The following RYR2 variants were observed in gnomAD, a reference collection of about 807,000 sequenced individuals.
RYR2 encodes the protein cardiac muscle ryanodine receptor-calcium release channel.
Under a neutral mutation model 601.1 loss-of-function variants are expected in RYR2, and 227 were observed. That is an observed-to-expected ratio of 0.38 (90% CI 0.34 to 0.42). The LOEUF (loss-of-function observed/expected upper bound fraction) is 0.42. RYR2 is among the 10% of genes least tolerant of loss of function. RYR2 has a pLI of 1.00. For missense variants in RYR2, 4,646 were observed against 6,156.5 expected (o/e 0.75, Z 8.21); for synonymous variants, 2,223 against 2,175.1 (o/e 1.02, Z -0.61).
chr1:237,199,677 A>G (rs1461360728), intron 1 of RYR2, among the ~76,000 whole-genome samples: 1 of 152,202 alleles, frequency 6.6e-6, no homozygotes, highest in East Asian at 1.9e-4. Flanking sequence ...CTTCAGTCCT[A>G]TCAAGTTGAC....
Position 237,792,341 on chromosome 1 carries a change from C to G in RYR2, c.13782+18C>G, listed in dbSNP as rs374955812. 1.3e-6 allele frequency: 2 copies of G among 1,515,070 alleles called. No individual in the cohort carries two copies. Among genetic ancestry groups the G allele is most frequent in the Non-Finnish European group, 9.1e-7 (1 of 1,102,312 alleles). 93.9% of individuals were successfully genotyped at this position (1,515,070 alleles called of 1,614,324 possible). On this transcript the variant is annotated intron_variant, in intron 94 of 104. Transcript: ENST00000366574. Reference sequence around the variant, plus strand: ...GCTTGAAAGTAAGATAGTAAGGCACCAAGGTACCTGTGTGTGTGTGTGTGT... The same window carrying G: ...GCTTGAAAGTAAGATAGTAAGGCACGAAGGTACCTGTGTGTGTGTGTGTGT...
chr1:237,306,269 A>C (rs1693852566), intron 2 of RYR2, among the ~76,000 whole-genome samples: 1 of 152,178 alleles, frequency 6.6e-6, no homozygotes, highest in East Asian at 1.9e-4. Context: ...ACAAAATGTA[A>C]ATTTTACTGT....
At chr1:237,268,846 G>A (rs1304982079) in intron 1 of RYR2, among the ~76,000 whole-genome samples, 1 of 137,194 alleles carries the variant, frequency 7.3e-6, no homozygotes, top group African/African-American at 2.8e-5. Context: ...TGAGCCAGGA[G>A]AATGGCTTGA....
chr1:237,532,184 T>A lies in RYR2; in HGVS notation c.2906+1674T>A, dbSNP rs1273428816. 2.0e-5 allele frequency among the ~76,000 whole-genome samples: 3 copies of A among 152,246 alleles called. No homozygotes were observed. In the East Asian group the frequency reaches 5.8e-4, roughly 29 times the overall value. Reference sequence around the variant, plus strand: ...AACATAAATTGTTTTTAATAAAAAGTCATAGAAAATAGGATGTTATTGGAA... The same window carrying A: ...AACATAAATTGTTTTTAATAAAAAGACATAGAAAATAGGATGTTATTGGAA... On this transcript the variant is annotated intron_variant, in intron 25 of 104. Transcript: ENST00000366574.
chr1:237,492,837 A>C, intron 18 of RYR2, 117 bp from the exon 19 acceptor site: 1 of 882,776 alleles, frequency 1.1e-6, no homozygotes, highest in South Asian at 1.7e-5. Context: ...GGAAGGAAGG[A>C]AGGAAGGAAG....
At chr1:237,331,423 A>G (rs1370947243) in intron 3 of RYR2, among the ~76,000 whole-genome samples, 1 of 152,238 alleles carries the variant, frequency 6.6e-6, no homozygotes, top group Non-Finnish European at 1.5e-5. Context: ...ATATATTTTA[A>G]GTAACCAAAT....
intron 80 of RYR2, among the ~76,000 whole-genome samples, chr1:237,746,165 G>A (rs1692056471): frequency 6.6e-6 from 1 of 152,086 alleles, no homozygotes; most frequent in South Asian, 2.1e-4. Flanking sequence ...TTTACATTGA[G>A]ATGTCTATCT....
chr1:237,350,602 A>AATATATATATAT (rs1177777241), intron 3 of RYR2, among the ~76,000 whole-genome samples: 37 of 36,990 alleles, frequency 1.0e-3, no homozygotes, highest in African/African-American at 3.3e-3. Context: ...AAAAAAAAAA[A>AATATATATATAT]ATATATATAT....
intron 1 of RYR2, among the ~76,000 whole-genome samples, chr1:237,043,127 G>A (rs1660130047): frequency 1.3e-5 from 2 of 152,240 alleles, no homozygotes; most frequent in South Asian, 2.1e-4. Context: ...GGGGGCGGGG[G>A]TGATGGTGCA....
chr1:237,775,321 T>G (rs192551480), intron 87 of RYR2, among the ~76,000 whole-genome samples: 86 of 152,318 alleles, frequency 5.6e-4, no homozygotes, highest in South Asian at 3.1e-3. Flanking sequence ...GCACATCCTG[T>G]TAACTAAATT....
chr1:237,364,871 A>T (rs1436652762), intron 5 of RYR2, among the ~76,000 whole-genome samples: 2 of 152,216 alleles, frequency 1.3e-5, no homozygotes, highest in African/African-American at 4.8e-5. Flanking sequence ...AGGCACCAAG[A>T]AACTACTTCT....
In RYR2 at chr1:237,789,959, C is replaced by T. The variant is rs558724709; in HGVS notation, c.13477-1470C>T. Among the ~76,000 whole-genome samples, 210 of 152,288 alleles carry T rather than the reference C, an allele frequency of 1.4e-3. 2 individuals are homozygous for T. The highest frequency in any genetic ancestry group is 4.9e-3 in the African/African-American group (202 of 41,558). On this transcript the variant is annotated intron_variant, in intron 92 of 104. Coordinates refer to ENST00000366574, the MANE Select transcript of RYR2 (RefSeq NM_001035.3). ...GTGGACAGCCTTGTTCTAATAAGCT[C>T]TGGCAGTAAAGATGGGGTCCTGTGT...
At chr1:237,045,829 G>A (rs1208627059) in intron 1 of RYR2, among the ~76,000 whole-genome samples, 2 of 122,636 alleles carry the variant, frequency 1.6e-5, no homozygotes, top group Non-Finnish European at 3.3e-5. Context: ...ATATTCCTCT[G>A]ACTTTAGGAA....
intron 1 of RYR2, among the ~76,000 whole-genome samples, chr1:237,163,355 A>ACCCCCCCCC (rs67343728): frequency 3.4e-4 from 31 of 90,310 alleles, no homozygotes; most frequent in African/African-American, 7.1e-4. Flanking sequence ...CCAACCCCCT[A>ACCCCCCCCC]CCCCCCCCAC....
rs757005946 is a variant in RYR2 at position 237,565,173 on chromosome 1, T to TTC, written c.3215-1392_3215-1391dup. Among the ~76,000 whole-genome samples, 47 of 31,528 alleles carry TTC rather than the reference T, an allele frequency of 1.5e-3. 1 individual carries two copies. The highest frequency in any genetic ancestry group is 3.0e-3 in the Admixed American group (8 of 2,704). The allele number at this position is 31,528 out of a possible 152,430, so 20.7% of individuals were successfully genotyped here. A position where few individuals can be genotyped will look rare whatever the true frequency, so the allele number is the denominator to read the frequency against. On this transcript the variant is annotated intron_variant, in intron 27 of 104. Transcript: ENST00000366574. ...TCTTTCTTTCTCTTTCTTTCTTTCT[T>TTC]TCTTTCTTTCTTTCTTTCTTTCTTT...
rs774100182 is a variant in RYR2 at position 237,423,255 on chromosome 1, C to G, written c.1005+7C>G. 1.8e-5 allele frequency: 29 copies of G among 1,610,198 alleles called. No homozygotes were observed. Among genetic ancestry groups the G allele is most frequent in the Non-Finnish European group, 2.5e-5 (29 of 1,178,706 alleles). On this transcript the variant is annotated splice_region_variant and intron_variant, in intron 12 of 104. Transcript: ENST00000366574. Reference sequence around the variant, plus strand: ...TACCTTCCGGTCTTCCAAGGTGAGACAGAAAATATTTTGGGTTTCCTATAA... The same window carrying G: ...TACCTTCCGGTCTTCCAAGGTGAGAGAGAAAATATTTTGGGTTTCCTATAA...
chr1:237,682,590 A>G (rs1685986945), intron 62 of RYR2, among the ~76,000 whole-genome samples: 2 of 152,184 alleles, frequency 1.3e-5, no homozygotes, highest in Admixed American at 1.3e-4. Context: ...AATAGGCTAT[A>G]CCATTTAGGT....
intron 2 of RYR2, among the ~76,000 whole-genome samples, chr1:237,272,207 C>T (rs1689758732): frequency 6.6e-6 from 1 of 152,128 alleles, no homozygotes; most frequent in African/African-American, 2.4e-5. Context: ...TCTGGAGTAA[C>T]CTTGGCCCTA....
At position 237,610,527 on chromosome 1, in the gene RYR2, C is replaced by T. The variant is rs950103438; in HGVS notation, c.4684-235C>T. On this transcript the variant is annotated intron_variant, in intron 35 of 104. Transcript: ENST00000366574. This position sits in a 1 kb window ranked among gnomAD's most constrained non-coding sequence, Gnocchi z 4.9. ...TTCAGTATATGGGAAAGACACATCC[C>T]GAAACCTGTTTGACTGCCCGGAAGG... 3.3e-5 allele frequency among the ~76,000 whole-genome samples: 5 copies of T among 152,138 alleles called. No homozygotes were observed. Among genetic ancestry groups the T allele is most frequent in the African/African-American group, 7.2e-5 (3 of 41,432 alleles).
Sources: gnomAD v4.1 joint callset for allele counts (sites outside exome capture counted in the v4.1 genomes callset) on GRCh38, gnomAD v4.1.1 for gene constraint, Gnocchi (gnomAD v3.1) non-coding constraint, MANE v1.5 for transcripts, NCBI Gene and HGNC (gene_info 2026-07-23, HGNC 2026-07-21) for gene names.